ZNF536: variants seen among roughly 807,000 people sequenced by gnomAD.
ZNF536 encodes the protein zinc finger protein 536.
A neutral mutation model predicts 84.5 loss-of-function variants in ZNF536; 13 were observed. The observed-to-expected ratio is 0.15, with a 90% CI of 0.10 to 0.24. The LOEUF is 0.24. ZNF536 is among the 10% of genes least tolerant of loss of function. The pLI, the probability that ZNF536 is intolerant of heterozygous loss-of-function variation, is 1.00. For synonymous variants in ZNF536, 811 were observed against 742.5 expected, an observed-to-expected ratio of 1.09 and a Z score of -1.50; for missense variants, 1,536 against 1,747.5, an observed-to-expected ratio of 0.88 and a Z score of 2.16.
At chr19:30,511,942 A>C (rs2055429521) in intron 2 of ZNF536, among the ~76,000 whole-genome samples, 1 of 152,242 alleles carries the variant, frequency 6.6e-6, no homozygotes, top group African/African-American at 2.4e-5. Flanking sequence ...AGGAAATTAG[A>C]AATGAGGCAG....
chr19:30,436,552 A>G, intron 1 of ZNF536: 1 of 980,624 alleles, frequency 1.0e-6, no homozygotes, highest in Non-Finnish European at 1.2e-6. Context: ...TATTTTTGTA[A>G]TAATGTTTAC....
At chr19:30,350,391 C>T (rs1485454926) in intron 2 of ZNF536, among the ~76,000 whole-genome samples, 1 of 152,172 alleles carries the variant, frequency 6.6e-6, no homozygotes, top group Non-Finnish European at 1.5e-5. Flanking sequence ...GTCCTAGAAA[C>T]ACAAGGGCAG....
chr19:30,412,496 TG>T (rs2050534806), intron 1 of ZNF536, among the ~76,000 whole-genome samples: 2 of 152,180 alleles, frequency 1.3e-5, no homozygotes, highest in African/African-American at 4.8e-5. Flanking sequence ...CTTGAATTAT[TG>T]GGGGTAAACT....
At chr19:30,435,259 A>G (rs1200146109) in intron 1 of ZNF536, among the ~76,000 whole-genome samples, 5 of 114,688 alleles carry the variant, frequency 4.4e-5, no homozygotes, top group Admixed American at 8.8e-5. Context: ...TAATGGTGGT[A>G]ATGATGGTGA....
chr19:30,522,514 T>TA (rs138153245), intron 2 of ZNF536, among the ~76,000 whole-genome samples: 14,462 of 151,434 alleles, frequency 0.096, 959 homozygotes, highest in Non-Finnish European at 0.15. Context: ...TACTCTTCAA[T>TA]AAAAAATGCA....
chr19:30,347,829 C>T (rs1309937569), intron 2 of ZNF536, among the ~76,000 whole-genome samples: 2 of 152,150 alleles, frequency 1.3e-5, no homozygotes, highest in East Asian at 3.9e-4. Flanking sequence ...TCCTAGCTGC[C>T]CCACAGGGTT....
intron 4 of ZNF536, 132 bp downstream of exon 4, chr19:30,549,646 GT>G (rs1483074355): frequency 5.0e-6 from 5 of 1,009,582 alleles, no homozygotes; most frequent in Non-Finnish European, 6.9e-6. Flanking sequence ...CCTCAATGCT[GT>G]ATCTGCAATG....
intron 1 of ZNF536, among the ~76,000 whole-genome samples, chr19:30,440,992 A>C (rs188359592): frequency 6.6e-6 from 1 of 152,332 alleles, no homozygotes; most frequent in Admixed American, 6.5e-5. Flanking sequence ...AAACTCTCAC[A>C]TTCCTTATTT....
At chr19:30,261,027 G>A (rs1334205491) in intron 1 of ZNF536, among the ~76,000 whole-genome samples, 3 of 152,088 alleles carry the variant, frequency 2.0e-5, no homozygotes, top group African/African-American at 7.2e-5. Flanking sequence ...GGCCGGGCGC[G>A]GTGGCTCACG....
downstream of ZNF536, among the ~76,000 whole-genome samples, chr19:30,561,550 G>A (rs1447694367): frequency 6.6e-6 from 1 of 152,198 alleles, no homozygotes; most frequent in Non-Finnish European, 1.5e-5. Context: ...ATGAGTGAGG[G>A]AGCAGGGAAG....
rs191294385 is a variant in ZNF536 at position 30,355,949 on chromosome 19, G to A, written c.-3+3465G>A. On this transcript the variant is annotated intron_variant, in intron 3 of 5. Coordinates refer to the ZNF536 transcript ENST00000585628. ...TGGTCCCTGATGCCAAAAAGCCTGC[G>A]GACAGCTGGCTTAAGCATCTACCTG... Among the ~76,000 whole-genome samples, 72 of 152,274 alleles carry A rather than the reference G, an allele frequency of 4.7e-4. 2 individuals are homozygous for A. Among genetic ancestry groups the A allele is most frequent in the Admixed American group, 4.5e-3 (69 of 15,294 alleles).
chr19:30,497,501 T>C (rs1254280929), intron 2 of ZNF536, among the ~76,000 whole-genome samples: 1 of 152,162 alleles, frequency 6.6e-6, no homozygotes, highest in African/African-American at 2.4e-5. Flanking sequence ...TTATTTTTAT[T>C]TTAAAAAGTG....
Position 30,320,942 on chromosome 19 carries a change from G to A in ZNF536, c.-119-31426G>A, listed in dbSNP as rs150430557. ...AATACGTATTGAATGGTTAGTGTGT[G>A]TCATGCTTTGGGAGTGCAGCGACAA... On this transcript the variant is annotated intron_variant, in intron 2 of 5. Coordinates refer to the ZNF536 transcript ENST00000585628. Among the ~76,000 whole-genome samples, 528 of 152,288 alleles carry A rather than the reference G, an allele frequency of 3.5e-3. 6 individuals are homozygous for A. The highest frequency in any genetic ancestry group is 0.012 in the African/African-American group (503 of 41,564).
At chr19:30,328,503 AG>A (rs1347594410) in intron 2 of ZNF536, among the ~76,000 whole-genome samples, 2 of 152,224 alleles carry the variant, frequency 1.3e-5, no homozygotes, top group Middle Eastern at 3.2e-3. Context: ...CCAGAGGGGA[AG>A]ACTTGGCTCT....
intron 2 of ZNF536, among the ~76,000 whole-genome samples, chr19:30,348,956 T>C (rs1489850920): frequency 6.6e-6 from 1 of 152,144 alleles, no homozygotes; most frequent in Admixed American, 6.5e-5. Flanking sequence ...TAAGGTAGAA[T>C]TCCTGGCAAT....
chr19:30,338,449 T>C (rs978709020), intron 2 of ZNF536, among the ~76,000 whole-genome samples: 1 of 151,250 alleles, frequency 6.6e-6, no homozygotes, highest in Non-Finnish European at 1.5e-5. Context: ...GCGATGACAA[T>C]GATGATATGG....
At chr19:30,631,350 G>C (rs2048882397) in intron 1 of ZNF536, among the ~76,000 whole-genome samples, 1 of 152,154 alleles carries the variant, frequency 6.6e-6, no homozygotes, top group East Asian at 1.9e-4. Flanking sequence ...TGCTGGCACT[G>C]GGAATTCACC....
At chr19:30,573,676 T>C (rs1217346023) in intron 1 of ZNF536, among the ~76,000 whole-genome samples, 61 of 152,262 alleles carry the variant, frequency 4.0e-4, no homozygotes. Flanking sequence ...GGTTTCCTTT[T>C]AGGTATCACA....
chr19:30,546,406 T>C (rs1298326061), intron 3 of ZNF536, among the ~76,000 whole-genome samples: 1 of 152,176 alleles, frequency 6.6e-6, no homozygotes, highest in Admixed American at 6.5e-5. Flanking sequence ...TCTGAAAAAG[T>C]GTCCAGGAGA....
Sources: allele counts gnomAD v4.1 joint callset (sites outside exome capture counted in the v4.1 genomes callset), GRCh38; gene constraint gnomAD v4.1.1; transcripts MANE v1.5; gene names NCBI Gene and HGNC (gene_info 2026-07-23, HGNC 2026-07-21).